The following ARHGAP24 variants were observed in gnomAD, a reference collection of about 807,000 sequenced individuals.
ARHGAP24 encodes rho GTPase-activating protein 24.
A neutral mutation model predicts 76.4 loss-of-function variants in ARHGAP24; 50 were observed. The ratio of observed to expected loss-of-function variants is 0.65; its 90% CI spans 0.52 to 0.83. ARHGAP24 has a LOEUF of 0.83. ARHGAP24 is among the 40% of genes least tolerant of loss of function. ARHGAP24 has a pLI of 0.00. For synonymous variants in ARHGAP24, 345 were observed against 323.3 expected, an observed-to-expected ratio of 1.07 and a Z score of -0.72; for missense variants, 930 against 914.2, an observed-to-expected ratio of 1.02 and a Z score of -0.22.
chr4:85,772,107 G>T (rs1727153442), intron 3 of ARHGAP24, among the ~76,000 whole-genome samples: 1 of 152,068 alleles, frequency 6.6e-6, no homozygotes, highest in African/African-American at 2.4e-5. Context: ...ATTGACTATT[G>T]AGCAATGTGT....
intron 1 of ARHGAP24, among the ~76,000 whole-genome samples, chr4:85,501,803 A>G (rs766607964): frequency 1.1e-4 from 17 of 151,916 alleles, no homozygotes; most frequent in East Asian, 3.9e-4. Flanking sequence ...GCCTATGCCT[A>G]TGTCCTGAAT....
intron 3 of ARHGAP24, among the ~76,000 whole-genome samples, chr4:85,901,501 A>G (rs1372844634): frequency 2.0e-5 from 3 of 152,192 alleles, no homozygotes; most frequent in Non-Finnish European, 4.4e-5. Flanking sequence ...ATTTTACATG[A>G]TATTTTAGAA....
Position 85,995,000 on chromosome 4 carries a change from C to A in ARHGAP24, c.1346C>A (p.Thr449Asn), listed in dbSNP as rs1209435961. The A allele has an allele frequency of 6.2e-7, 1 of 1,614,004 alleles. No individual in the cohort carries two copies. The highest frequency in any genetic ancestry group is 1.3e-5 in the African/African-American group (1 of 74,954). Residue 449 changes from threonine (T) to asparagine (N), a missense_variant, in exon 9 of 10, where the codon ACC becomes AAC. Transcript: ENST00000395184. ...SSSNAEGLEK[T>N]QTTPNGSLQA... ...AGTAATGCAGAAGGTCTTGAGAAAA[C>A]CCAAACCACCCCCAATGGGAGCCTA...
intron 1 of ARHGAP24, among the ~76,000 whole-genome samples, chr4:85,518,246 G>A (rs935317157): frequency 6.6e-6 from 1 of 152,068 alleles, no homozygotes; most frequent in African/African-American, 2.4e-5. Context: ...GGTGCTTAGA[G>A]GCAGAAAATC....
intron 2 of ARHGAP24, among the ~76,000 whole-genome samples, chr4:85,678,990 C>G (rs1339353419): frequency 6.6e-6 from 1 of 152,112 alleles, no homozygotes; most frequent in Non-Finnish European, 1.5e-5. Flanking sequence ...AAAAGATATT[C>G]AAATTTATTG....
chr4:85,513,625 A>T lies in ARHGAP24; in HGVS notation c.-21+38066A>T, dbSNP rs114151823. 3.9e-3 allele frequency among the ~76,000 whole-genome samples: 594 copies of T among 152,276 alleles called. 6 individuals are homozygous for T. The highest frequency in any genetic ancestry group is 0.013 in the African/African-American group (546 of 41,546). On this transcript the variant is annotated intron_variant, in intron 1 of 9. Coordinates refer to ENST00000395184, the MANE Select transcript of ARHGAP24 (RefSeq NM_001025616.3). ...CTTGGTCAGGATTCTTTGACTACTAAAGACAGAAAACAAACTTGAAATAGT... is the reference window on the plus strand; with the variant it reads ...CTTGGTCAGGATTCTTTGACTACTATAGACAGAAAACAAACTTGAAATAGT...
At chr4:85,616,711 T>C (rs1047235713) in intron 2 of ARHGAP24, among the ~76,000 whole-genome samples, 1 of 152,226 alleles carries the variant, frequency 6.6e-6, no homozygotes, top group African/African-American at 2.4e-5. Context: ...CACTGGAACC[T>C]GCACTTCCCA....
chr4:85,632,613 T>G (rs574359596), intron 2 of ARHGAP24, among the ~76,000 whole-genome samples: 1 of 152,112 alleles, frequency 6.6e-6, no homozygotes, highest in African/African-American at 2.4e-5. Context: ...GTATACACAG[T>G]GGTGATTTAG....
intron 3 of ARHGAP24, among the ~76,000 whole-genome samples, chr4:85,852,748 C>T (rs545525867): frequency 6.6e-6 from 1 of 152,344 alleles, no homozygotes; most frequent in Non-Finnish European, 1.5e-5. Flanking sequence ...TAGAGGTCCA[C>T]TCCAGACACT....
At chr4:85,888,536 C>T (rs1231914154) in intron 3 of ARHGAP24, among the ~76,000 whole-genome samples, 3 of 151,206 alleles carry the variant, frequency 2.0e-5, no homozygotes, top group Non-Finnish European at 4.4e-5. Context: ...AAAGTTTAAA[C>T]TCTGTTTGTT....
chr4:85,974,365 A>G (rs1560757934), intron 6 of ARHGAP24, among the ~76,000 whole-genome samples: 1 of 152,182 alleles, frequency 6.6e-6, no homozygotes, highest in Admixed American at 6.5e-5. Flanking sequence ...TATCATTTAC[A>G]TTTTAGGGGA....
intron 3 of ARHGAP24, among the ~76,000 whole-genome samples, chr4:85,761,153 C>G (rs979970354): frequency 6.6e-6 from 1 of 152,120 alleles, no homozygotes; most frequent in Non-Finnish European, 1.5e-5. Context: ...CAATTACCTC[C>G]CCAGTAGTGC....
At chr4:85,771,721 G>C (rs1727135759) in intron 3 of ARHGAP24, among the ~76,000 whole-genome samples, 1 of 152,070 alleles carries the variant, frequency 6.6e-6, no homozygotes. Flanking sequence ...TCCTTGTTTT[G>C]TTTTTTGAAA....
In ARHGAP24 at chr4:85,755,631, G is replaced by GTTT. The variant is rs1329803538; in HGVS notation, c.268+33661_268+33663dup. Among the ~76,000 whole-genome samples the GTTT allele has an allele frequency of 8.9e-3, 1,034 of 115,792 alleles. 84 individuals carry two copies. Among genetic ancestry groups the GTTT allele is most frequent in the African/African-American group, 0.03 (939 of 31,406 alleles). 76.0% of individuals were successfully genotyped at this position (115,792 alleles called of 152,430 possible). The stretch of plus-strand genomic sequence containing the variant: ...TGGGAAGCTTCTATTCTTTTGTTTT[G>GTTT]TTTTGTTTTGTTTTGTTTTGAGACG... On this transcript the variant is annotated intron_variant, in intron 3 of 9. Coordinates refer to ENST00000395184, the MANE Select transcript of ARHGAP24 (RefSeq NM_001025616.3).
Position 85,994,648 on chromosome 4 carries a change from G to C in ARHGAP24, c.994G>C (p.Asp332His). ...CAAACATGATTGCCTCTTTCCCAAA[G>C]ATGCAGAACTACAAAGCAAGCCCCA... ...ISKHDCLFPK[D>H]AELQSKPQDG... Residue 332 changes from aspartate to histidine, a missense_variant, in exon 9 of 10, where the codon GAT (aspartate) becomes CAT (histidine). Transcript: ENST00000395184. 1 of 1,614,162 alleles carries C rather than the reference G, an allele frequency of 6.2e-7. No homozygotes were observed. Among genetic ancestry groups the C allele is most frequent in the African/African-American group, 1.3e-5 (1 of 75,056 alleles).
chr4:85,915,929 T>C (rs1022726075), intron 3 of ARHGAP24, among the ~76,000 whole-genome samples: 2 of 152,218 alleles, frequency 1.3e-5, no homozygotes, highest in South Asian at 4.1e-4. Context: ...CCTTTGGGTA[T>C]ATACCCAGTA....
intron 3 of ARHGAP24, among the ~76,000 whole-genome samples, chr4:85,875,888 A>G (rs1732906416): frequency 6.6e-6 from 1 of 151,044 alleles, no homozygotes; most frequent in African/African-American, 2.4e-5. Flanking sequence ...GACTACAGGC[A>G]TGTGCCATCA....
chr4:85,865,208 A>G (rs1043158839), intron 3 of ARHGAP24, among the ~76,000 whole-genome samples: 2 of 151,172 alleles, frequency 1.3e-5, no homozygotes, highest in African/African-American at 2.5e-5. Context: ...GTTCTGCTTC[A>G]TTTTATAAAT....
At chr4:85,735,464 A>G (rs1377205) in intron 3 of ARHGAP24, among the ~76,000 whole-genome samples, 144,468 of 152,176 alleles carry the variant, frequency 0.95, 69,053 homozygotes, top group East Asian at 1. Flanking sequence ...CATTGATTAC[A>G]TTTTAATCCT....
Sources: gnomAD v4.1 joint callset for allele counts (sites outside exome capture counted in the v4.1 genomes callset) on GRCh38, gnomAD v4.1.1 for gene constraint, MANE v1.5 for transcripts, NCBI Gene and HGNC (gene_info 2026-07-23, HGNC 2026-07-21) for gene names.